CORO2B: variants seen among roughly 807,000 people sequenced by gnomAD.
CORO2B encodes the protein coronin 2B.
Under a neutral mutation model 58.8 loss-of-function variants are expected in CORO2B, and 26 were observed. The observed-to-expected ratio is 0.44, with a 90% CI of 0.32 to 0.61. CORO2B has a LOEUF of 0.61. Ranked by LOEUF, CORO2B falls within the 20% of genes least tolerant of loss-of-function variation. The pLI is 0.04. For synonymous variants in CORO2B, 242 were observed against 253.8 expected (o/e 0.95, Z 0.44); for missense variants, 460 against 645.1 (o/e 0.71, Z 3.11).
chr15:68,629,702 A>C (rs556348105), intron 1 of CORO2B, among the ~76,000 whole-genome samples: 3 of 152,308 alleles, frequency 2.0e-5, no homozygotes, highest in East Asian at 3.9e-4. Context: ...GAGCAGCCTC[A>C]GTAGGGGTCA....
At chr15:68,703,047 G>A (rs1293173636) in intron 3 of CORO2B, among the ~76,000 whole-genome samples, 2 of 148,870 alleles carry the variant, frequency 1.3e-5, no homozygotes, top group Non-Finnish European at 3.0e-5. Context: ...GGCTGGTCTC[G>A]AACTCCTGGA....
chr15:68,617,033 A>C (rs1202212774), intron 1 of CORO2B, among the ~76,000 whole-genome samples: 2 of 152,232 alleles, frequency 1.3e-5, no homozygotes, highest in African/African-American at 4.8e-5. Flanking sequence ...GGAGAGTAGT[A>C]ACCCTGGTTA....
intron 1 of CORO2B, among the ~76,000 whole-genome samples, chr15:68,617,911 G>A (rs1339910114): frequency 1.3e-5 from 2 of 152,122 alleles, no homozygotes; most frequent in African/African-American, 4.8e-5. Context: ...GAATGCCCTA[G>A]TAACATGCCA....
the CORO2B span, among the ~76,000 whole-genome samples, chr15:68,554,486 G>A: frequency 6.6e-6 from 1 of 152,068 alleles, no homozygotes; most frequent in Non-Finnish European, 1.5e-5. Flanking sequence ...TCCAGCCCAG[G>A]CACCTTCCTT....
chr15:68,534,598 C>T, the CORO2B span, among the ~76,000 whole-genome samples: 1 of 152,220 alleles, frequency 6.6e-6, no homozygotes, highest in Non-Finnish European at 1.5e-5. Flanking sequence ...TTAAAGACTG[C>T]TAACTTACCC....
chr15:68,653,064 C>T lies in CORO2B; in HGVS notation c.216+7704C>T, dbSNP rs140263217. 3.3e-5 allele frequency among the ~76,000 whole-genome samples: 5 copies of T among 152,278 alleles called. No individual in the cohort carries two copies. The East Asian group carries it at 9.6e-4, about 29-fold the overall frequency. On this transcript the variant is annotated intron_variant, in intron 2 of 11. Coordinates refer to ENST00000261861, the MANE Select transcript of CORO2B (RefSeq NM_006091.5). Reference sequence around the variant, plus strand: ...GATGTTTCCAAACTCCATACAAGTGCAGCAGATCTTGGGGAAGCTTACTCT... The same window carrying T: ...GATGTTTCCAAACTCCATACAAGTGTAGCAGATCTTGGGGAAGCTTACTCT...
chr15:68,668,061 C>G (rs1028769809), intron 2 of CORO2B, among the ~76,000 whole-genome samples: 1 of 152,194 alleles, frequency 6.6e-6, no homozygotes, highest in African/African-American at 2.4e-5. Flanking sequence ...CGCCTGGTGC[C>G]ACTGAATACT....
the CORO2B span, among the ~76,000 whole-genome samples, chr15:68,556,294 G>A: frequency 6.6e-6 from 1 of 152,224 alleles, no homozygotes; most frequent in East Asian, 1.9e-4. Context: ...GCCAGTGGCA[G>A]GGAGTGAGTG....
At chr15:68,525,071 G>T in the CORO2B span, among the ~76,000 whole-genome samples, 1 of 152,090 alleles carries the variant, frequency 6.6e-6, no homozygotes, top group African/African-American at 2.4e-5. Context: ...GCACATCTGG[G>T]TATAACTAAA....
At chr15:68,614,372 T>TG (rs1310460542) in intron 1 of CORO2B, among the ~76,000 whole-genome samples, 2 of 152,238 alleles carry the variant, frequency 1.3e-5, no homozygotes, top group African/African-American at 4.8e-5. Flanking sequence ...ACGAAGTACC[T>TG]GGGAGGTGAT....
At chr15:68,644,078 C>G (rs1315552535) in intron 1 of CORO2B, among the ~76,000 whole-genome samples, 1 of 152,080 alleles carries the variant, frequency 6.6e-6, no homozygotes, top group Non-Finnish European at 1.5e-5. Context: ...AAACCAACTA[C>G]AAAGTATATC....
intron 1 of CORO2B, among the ~76,000 whole-genome samples, chr15:68,621,324 G>A (rs1348048589): frequency 6.6e-6 from 1 of 152,342 alleles, no homozygotes; most frequent in East Asian, 1.9e-4. Flanking sequence ...GGAGAACAAC[G>A]CAGTGCGTGC....
the CORO2B span, among the ~76,000 whole-genome samples, chr15:68,553,862 C>T: frequency 3.9e-5 from 6 of 152,302 alleles, no homozygotes; most frequent in Non-Finnish European, 7.4e-5. Context: ...CCTTACAAGC[C>T]GTGATGAAGA....
rs62002132 is a variant in CORO2B, at chr15:68,627,913, T to C, written c.16-17247T>C. Among the ~76,000 whole-genome samples the C allele has an allele frequency of 1.6e-3, 239 of 152,144 alleles. 1 individual carries two copies. The highest frequency in any genetic ancestry group is 0.01 in the Middle Eastern group (3 of 294). The stretch of plus-strand genomic sequence containing the variant: ...CTGAGCTTCTGGTGTAGAAGTTCGA[T>C]GAGGCTCTGTGCTGAGGGAGTTTAC... On this transcript the variant is annotated intron_variant, in intron 1 of 11. Transcript: ENST00000261861.
the CORO2B span, among the ~76,000 whole-genome samples, chr15:68,551,176 C>T: frequency 5.9e-5 from 9 of 151,926 alleles, no homozygotes; most frequent in East Asian, 1.9e-4. Flanking sequence ...ACAGGGGTGC[C>T]GTGGGGAGAA....
rs1892462757 is a variant in CORO2B, at chr15:68,694,518, A to G, written c.217-622A>G. The stretch of plus-strand genomic sequence containing the variant: ...TGCTTTCAACCACAGGGCACTGTGT[A>G]CCGGTGTTCAAGATGTACACTGCAG... On this transcript the variant is annotated intron_variant, in intron 2 of 11. Coordinates refer to ENST00000261861, the MANE Select transcript of CORO2B (RefSeq NM_006091.5). 2.0e-5 allele frequency among the ~76,000 whole-genome samples: 3 copies of G among 152,198 alleles called. 1 individual carries two copies. The South Asian group carries it at 6.2e-4, about 31-fold the overall frequency.
At chr15:68,638,956 C>T (rs1433615463) in intron 1 of CORO2B, among the ~76,000 whole-genome samples, 1 of 152,142 alleles carries the variant, frequency 6.6e-6, no homozygotes, top group Non-Finnish European at 1.5e-5. Flanking sequence ...AGCCTGACAG[C>T]AGTACTGGGT....
chr15:68,531,544 GA>G, the CORO2B span, among the ~76,000 whole-genome samples: 1 of 118,276 alleles, frequency 8.5e-6, no homozygotes, highest in Non-Finnish European at 1.8e-5. Context: ...AGGAAGGAAG[GA>G]AGGAAGGAAG....
chr15:68,558,656 A>T, the CORO2B span, among the ~76,000 whole-genome samples: 1 of 152,166 alleles, frequency 6.6e-6, no homozygotes, highest in African/African-American at 2.4e-5. Flanking sequence ...GATTACAAGC[A>T]TGAGCCACCG....
Sources: gnomAD v4.1 joint callset for allele counts (sites outside exome capture counted in the v4.1 genomes callset) on GRCh38, gnomAD v4.1.1 for gene constraint, MANE v1.5 for transcripts, NCBI Gene and HGNC (gene_info 2026-07-23, HGNC 2026-07-21) for gene names.